The following NLRP11 variants were observed in gnomAD, a reference collection of about 807,000 sequenced individuals.
NLRP11 encodes the protein NLR family pyrin domain containing 11.
A neutral mutation model predicts 79.3 loss-of-function variants in NLRP11; 53 were observed. That is an observed-to-expected ratio of 0.67 (90% CI 0.54 to 0.84). The LOEUF (loss-of-function observed/expected upper bound fraction) is 0.84. Ranked by LOEUF, NLRP11 falls within the 40% of genes least tolerant of loss-of-function variation. The pLI, the probability that NLRP11 is intolerant of heterozygous loss-of-function variation, is 0.00. For missense variants in NLRP11, 1,264 were observed against 1,255.0 expected, an observed-to-expected ratio of 1.01 and a Z score of -0.11; for synonymous variants, 518 against 462.6, an observed-to-expected ratio of 1.12 and a Z score of -1.54.
chr19:55,809,895 T>C lies in NLRP11; in HGVS notation c.715A>G (p.Asn239Asp). ...CTACACAAAGCACTTTCATTGACAT[T>C]TAACTCGAATCTTATGTTGTCCAAG... is the stretch of plus-strand genomic sequence containing the variant. Residue 239 changes from asparagine to aspartate, a missense_variant, in exon 3 of 10, where the codon AAT becomes GAT. Coordinates refer to ENST00000589093, the Ensembl canonical transcript of NLRP11. This position sits in a 1 kb window ranked among gnomAD's most constrained non-coding sequence, Gnocchi z 4.5. 1 of 1,614,180 alleles carries C rather than the reference T, an allele frequency of 6.2e-7. No homozygotes were observed. The highest frequency in any genetic ancestry group is 8.5e-7 in the Non-Finnish European group (1 of 1,180,010).
At chr19:55,829,834 C>T (rs375913242) in intron 1 of NLRP11, among the ~76,000 whole-genome samples, 19 of 152,186 alleles carry the variant, frequency 1.2e-4, no homozygotes, top group African/African-American at 4.6e-4. Flanking sequence ...CTGCCAGCCC[C>T]TAGGCAGTCA....
At chr19:55,791,083 A>G (rs537264431) in intron 7 of NLRP11, among the ~76,000 whole-genome samples, 1 of 152,358 alleles carries the variant, frequency 6.6e-6, no homozygotes, top group South Asian at 2.1e-4. Context: ...TTATTGGAAC[A>G]TAGCCACACC....
upstream of NLRP11, among the ~76,000 whole-genome samples, chr19:55,835,572 T>C (rs1219499415): frequency 6.7e-6 from 1 of 150,104 alleles, no homozygotes; most frequent in Non-Finnish European, 1.5e-5. Context: ...CCAGGCACAG[T>C]GGCTCATGCC....
chr19:55,812,726 G>GA (rs1476410691), intron 2 of NLRP11, among the ~76,000 whole-genome samples: 2 of 152,102 alleles, frequency 1.3e-5, no homozygotes, highest in Non-Finnish European at 2.9e-5. Flanking sequence ...CTAGGACCCT[G>GA]AAGCTCTTTC....
intron 1 of NLRP11, among the ~76,000 whole-genome samples, chr19:55,823,839 G>T (rs1370603802): frequency 6.8e-6 from 1 of 147,438 alleles, no homozygotes; most frequent in East Asian, 2.0e-4. Context: ...AAAACGCTCT[G>T]CAGGATATTA....
intron 4 of NLRP11, among the ~76,000 whole-genome samples, chr19:55,804,191 G>T (rs908920363): frequency 2.0e-5 from 3 of 152,154 alleles, no homozygotes; most frequent in African/African-American, 7.2e-5. Context: ...CGACCATTGC[G>T]GAAAGCAGTG....
chr19:55,803,068 G>A (rs1487735686), intron 4 of NLRP11, among the ~76,000 whole-genome samples: 1 of 152,122 alleles, frequency 6.6e-6, no homozygotes, highest in Non-Finnish European at 1.5e-5. Flanking sequence ...ACTTGGAGGC[G>A]CTGGGCACAG....
intron 4 of NLRP11, among the ~76,000 whole-genome samples, chr19:55,803,227 G>A (rs1404990175): frequency 6.6e-6 from 1 of 151,964 alleles, no homozygotes; most frequent in African/African-American, 2.4e-5. Context: ...GGTGCCTGTA[G>A]TCTCAACTAC....
intron 3 of NLRP11, among the ~76,000 whole-genome samples, chr19:55,808,228 G>A (rs1980199088): frequency 6.6e-6 from 1 of 152,172 alleles, no homozygotes; most frequent in South Asian, 2.1e-4. Context: ...ACACATCTGA[G>A]TGCAGGGCCT....
At chr19:55,832,030 G>A (rs74872183), upstream of NLRP11, 6,223 of 152,312 alleles carry the variant, frequency 0.041, 242 homozygotes, top group African/African-American at 0.095. Flanking sequence ...AGAAAAAGGC[G>A]GTGCCTGCCC....
At chr19:55,810,292 C>A (rs752342572) in exon 3 of NLRP11, 1 of 1,613,458 alleles carries the variant, frequency 6.2e-7, no homozygotes, top group Admixed American at 1.7e-5. Context: ...TTTCCCATTG[C>A]AGCATGAATT....
At chr19:55,835,882 G>T (rs937135274), upstream of NLRP11, among the ~76,000 whole-genome samples, 2 of 152,056 alleles carry the variant, frequency 1.3e-5, no homozygotes, top group African/African-American at 4.8e-5. Context: ...CCAGCACTTC[G>T]GGAGGCCGAG....
intron 4 of NLRP11, among the ~76,000 whole-genome samples, chr19:55,804,241 G>A (rs1426683885): frequency 6.6e-6 from 1 of 152,150 alleles, no homozygotes; most frequent in African/African-American, 2.4e-5. Flanking sequence ...ACTACCATTT[G>A]ACCCAGCAAT....
At chr19:55,817,454 T>C (rs1201449027) in intron 2 of NLRP11, among the ~76,000 whole-genome samples, 1 of 112,754 alleles carries the variant, frequency 8.9e-6, no homozygotes, top group Non-Finnish European at 1.6e-5. Flanking sequence ...ATAAAGAAAT[T>C]ATGAACACAC....
At chr19:55,790,744 T>C (rs972345624) in intron 7 of NLRP11, among the ~76,000 whole-genome samples, 2 of 152,236 alleles carry the variant, frequency 1.3e-5, no homozygotes, top group African/African-American at 4.8e-5. Context: ...GAAGGATCAC[T>C]TGAGCCCAGC....
At chr19:55,798,180 G>A (rs564435190) in intron 5 of NLRP11, 5 of 210,708 alleles carry the variant, frequency 2.4e-5, no homozygotes, top group South Asian at 3.4e-4. Context: ...TGCATTTTTA[G>A]TAGAGACGAG....
exon 10 of NLRP11, chr19:55,785,850 G>A (rs1259194419): frequency 1.9e-6 from 3 of 1,613,592 alleles, no homozygotes; most frequent in South Asian, 2.2e-5. Context: ...GGGTTTGTGT[G>A]TTCAGGCCAG....
At chr19:55,818,816 GTTAGTA>G (rs1221475357) in intron 1 of NLRP11, among the ~76,000 whole-genome samples, 3 of 152,036 alleles carry the variant, frequency 2.0e-5, no homozygotes, top group Non-Finnish European at 2.9e-5. Context: ...GTTCTGTCTT[GTTAGTA>G]TATAAATGAG....
intron 2 of NLRP11, among the ~76,000 whole-genome samples, chr19:55,816,285 A>G (rs2122860528): frequency 6.6e-6 from 1 of 152,352 alleles, no homozygotes; most frequent in South Asian, 2.1e-4. Context: ...ATGAGACACA[A>G]AGAAGGTCAT....
Sources: gnomAD v4.1 joint callset for allele counts (sites outside exome capture counted in the v4.1 genomes callset) on GRCh38, gnomAD v4.1.1 for gene constraint, Gnocchi (gnomAD v3.1) non-coding constraint, MANE v1.5 for transcripts, NCBI Gene and HGNC (gene_info 2026-07-23, HGNC 2026-07-21) for gene names.